The following GAL3ST4 variants were observed in gnomAD, a reference collection of about 807,000 sequenced individuals.
The protein encoded by GAL3ST4 is beta-galactose-3-O-sulfotransferase 4.
In GAL3ST4, 30 loss-of-function variants were observed where a neutral mutation model predicts 31.6. That is an observed-to-expected ratio of 0.95 (90% CI 0.71 to 1.29). GAL3ST4 has a LOEUF of 1.29. GAL3ST4 is among the 50% of genes most tolerant of loss of function. GAL3ST4 has a pLI of 0.00. For missense variants in GAL3ST4, 629 were observed against 625.2 expected, an observed-to-expected ratio of 1.01 and a Z score of -0.06; for synonymous variants, 248 against 256.9, an observed-to-expected ratio of 0.97 and a Z score of 0.33.
In GAL3ST4 at chr7:100,166,757, T is replaced by C; in HGVS notation, c.174A>G (p.Pro58=). Residue 58 remains proline (P), a synonymous_variant, in exon 3 of 4, where the codon CCA becomes CCG. Transcript: ENST00000360039. The part of the protein sequence containing the change: ...LRQPSAPSLR[P]ALPSCPPRQR... Reference sequence around the variant, plus strand: ...GCCGGGGTGGGCAGGACGGAAGGGCTGGTCGTAGGGATGGGGCCGAGGGCT... The same window carrying C: ...GCCGGGGTGGGCAGGACGGAAGGGCCGGTCGTAGGGATGGGGCCGAGGGCT... 1 of 1,613,328 alleles carries C rather than the reference T, an allele frequency of 6.2e-7. No individual in the cohort carries two copies. Among genetic ancestry groups the C allele is most frequent in the Non-Finnish European group, 8.5e-7 (1 of 1,179,704 alleles).
Position 100,160,355 on chromosome 7 carries a change from T to TC in GAL3ST4, c.1033_1034insG (p.Asn345ArgfsTer68). ...CCGGTCCTCCGCAGTCAGTCCACTG[T>TC]TGCTGACAGTGCTGAGGCCCTGCTT... On this transcript the variant is annotated frameshift_variant, in exon 4 of 4. Transcript: ENST00000360039. LOFTEE classifies it high-confidence loss of function. 1 of 1,614,112 alleles carries TC rather than the reference T, an allele frequency of 6.2e-7. No individual in the cohort carries two copies.
chr7:100,161,019 A>T (rs946606835), intron 3 of GAL3ST4, 60 bp from the exon 4 acceptor site: 40 of 1,423,582 alleles, frequency 2.8e-5, no homozygotes, highest in Non-Finnish European at 3.7e-5. Flanking sequence ...ATGCATAAGT[A>T]TGCACAAGCC....
intron 3 of GAL3ST4, among the ~76,000 whole-genome samples, chr7:100,162,736 ATGACAGGT>A (rs1799021010): frequency 6.6e-6 from 1 of 151,250 alleles, no homozygotes; most frequent in African/African-American, 2.4e-5. Context: ...TAAAACCTAG[ATGACAGGT>A]TGACAGGTGC....
Position 100,160,008 on chromosome 7 carries a change from A to G in GAL3ST4, c.1381T>C (p.Tyr461His). Residue 461 changes from tyrosine to histidine, a missense_variant, in exon 4 of 4, where the codon TAC becomes CAC. Transcript: ENST00000360039. ...CERLATPELQ[Y>H]KDKLDAKQFP... ...TGCTTGGCATCCAGCTTGTCCTTGT[A>G]CTGGAGCTCAGGGGTAGCTAGGCGC... 2 of 1,613,948 alleles carry G rather than the reference A, an allele frequency of 1.2e-6. No individual in the cohort carries two copies. The highest frequency in any genetic ancestry group is 1.7e-4 in the Middle Eastern group (1 of 6,058).
rs771067362 is a variant in GAL3ST4 at position 100,160,856 on chromosome 7, G to GTGA, written c.532_533insTCA (p.Ala178delinsValThr). ...AGCCAAAGATGGTGACTTGCGGAAG[G>GTGA]CTGATGAGGTGGATTTATAGTAGGA... On this transcript the variant is annotated protein_altering_variant, in exon 4 of 4. Coordinates refer to ENST00000360039, the MANE Select transcript of GAL3ST4 (RefSeq NM_024637.5). 1.2e-6 allele frequency: 2 copies of GTGA among 1,614,232 alleles called. No homozygotes were observed. The highest frequency in any genetic ancestry group is 1.7e-6 in the Non-Finnish European group (2 of 1,180,040).
Position 100,159,780 on chromosome 7 carries a change from T to C in GAL3ST4, c.*148A>G. The C allele has an allele frequency of 4.5e-6, 3 of 668,760 alleles. No individual in the cohort carries two copies. Among genetic ancestry groups the C allele is most frequent in the Non-Finnish European group, 7.5e-6 (3 of 401,778 alleles). The allele number at this position is 668,760 out of a possible 1,614,324, so 41.4% of individuals were successfully genotyped here. On this transcript the variant is annotated 3_prime_UTR_variant, in exon 4 of 4. Coordinates refer to ENST00000360039, the MANE Select transcript of GAL3ST4 (RefSeq NM_024637.5). The stretch of plus-strand genomic sequence containing the variant: ...AGTGGAGGGTGGAGGAGGGAAGCAC[T>C]GCTGGGAGCCCAGCGAAGAGGGGGC...
At chr7:100,166,924 G>A (rs1235044140) in intron 2 of GAL3ST4, 47 bp downstream of exon 2, 4 of 1,580,142 alleles carry the variant, frequency 2.5e-6, no homozygotes, top group Non-Finnish European at 2.6e-6. Flanking sequence ...ATGGGGAAGA[G>A]CAAGTACGGG....
In GAL3ST4 at chr7:100,160,060, C is replaced by T. The variant is rs761817361; in HGVS notation, c.1329G>A (p.Leu443=). 6.2e-7 allele frequency: 1 copy of T among 1,613,946 alleles called. No individual in the cohort carries two copies. The highest frequency in any genetic ancestry group is 8.5e-7 in the Non-Finnish European group (1 of 1,179,986). Residue 443 remains leucine (L), a synonymous_variant, in exon 4 of 4, where the codon TTG becomes TTA. Transcript: ENST00000360039. The stretch of plus-strand genomic sequence containing the variant: ...CACATTCCTCTTGGTCTTGGGGGCT[C>T]AATCCACTCCGAAGTATATAGCCCA... ...KVLGYILRSG[L]SPQDQEECER... is the part of the protein sequence containing the mutation.
In GAL3ST4 at chr7:100,160,107, G is replaced by A; in HGVS notation, c.1282C>T (p.Gln428Ter). The change falls in exon 4 of 4, where the codon CAG (glutamine) becomes TAG (stop). Residue 428 changes from glutamine (Q) to a stop codon, truncating the protein, a stop_gained. Transcript: ENST00000360039. LOFTEE classifies it high-confidence loss of function. ...CCCAAAACCTTAGCTGACCCAAACTGGAAGGGGCGGAACCGGCGATCAGTG... is the reference window on the plus strand; with the variant it reads ...CCCAAAACCTTAGCTGACCCAAACTAGAAGGGGCGGAACCGGCGATCAGTG... The part of the protein sequence containing the change: ...YITDRRFRPF[Q>*]FGSAKVLGYI... 1 of 1,614,100 alleles carries A rather than the reference G, an allele frequency of 6.2e-7. No homozygotes were observed. Among genetic ancestry groups the A allele is most frequent in the Non-Finnish European group, 8.5e-7 (1 of 1,179,996 alleles).
chr7:100,160,575 G>C lies in GAL3ST4; in HGVS notation c.814C>G (p.Gln272Glu). The C allele has an allele frequency of 6.2e-7, 1 of 1,613,820 alleles. No individual in the cohort carries two copies. The highest frequency in any genetic ancestry group is 8.5e-7 in the Non-Finnish European group (1 of 1,180,052). The change falls in exon 4 of 4, where the codon CAG becomes GAG. Residue 272 changes from glutamine (Q) to glutamate (E), a missense_variant. Physicochemically the swap from Gln to Glu is conservative, Grantham distance 29 (BLOSUM62 2). Transcript: ENST00000360039. ...TCGAAAGAGGCAGGGCTTGATATCTGGCTGCGATGATCAGTAACAGTGGAA... is the reference window on the plus strand; with the variant it reads ...TCGAAAGAGGCAGGGCTTGATATCTCGCTGCGATGATCAGTAACAGTGGAA... ...PVSTVTDHRS[Q>E]ISSPASFDLG... is the part of the protein sequence containing the mutation.
chr7:100,167,361 G>T, intron 1 of GAL3ST4, 78 bp from the exon 2 acceptor site: 1 of 711,658 alleles, frequency 1.4e-6, no homozygotes, highest in Non-Finnish European at 2.2e-6. Context: ...CTGCAGCTGA[G>T]ACCTCCTTCA....
chr7:100,166,695 C>T lies in GAL3ST4; in HGVS notation c.236G>A (p.Ser79Asn). The T allele has an allele frequency of 1.2e-6, 2 of 1,614,186 alleles. No individual in the cohort carries two copies. Among genetic ancestry groups the T allele is most frequent in the Non-Finnish European group, 1.7e-6 (2 of 1,180,026 alleles). ...GTGAAGCAGGCTCAGCACAGAGCTG[C>T]TCCCGGATTTATGTGTCTTCAGGAA... ...LVFLKTHKSG[S>N]SSVLSLLHRY... is the part of the protein sequence containing the mutation. Residue 79 changes from serine to asparagine, a missense_variant, in exon 3 of 4, where the codon AGC (serine) becomes AAC (asparagine). Ser to Asn is a conservative substitution (Grantham distance 46, BLOSUM62 1). Transcript: ENST00000360039.
At chr7:100,163,625 C>A (rs1039563327) in intron 3 of GAL3ST4, among the ~76,000 whole-genome samples, 5 of 152,166 alleles carry the variant, frequency 3.3e-5, no homozygotes, top group African/African-American at 1.2e-4. Context: ...CTTGAAAACT[C>A]CTGGGCTCAA....
chr7:100,160,335 CCT>C lies in GAL3ST4; in HGVS notation c.1052_1053del (p.Glu351GlyfsTer61). On this transcript the variant is annotated frameshift_variant, in exon 4 of 4. Coordinates refer to ENST00000360039, the MANE Select transcript of GAL3ST4 (RefSeq NM_024637.5). LOFTEE classifies it high-confidence loss of function. ...CGGGCCCGTGCAGTCAGCTGCCGGT[CCT>C]CCGCAGTCAGTCCACTGTTGCTGAC... ...STVSNSGLTA[E>X]DRQLTARARA... The C allele has an allele frequency of 6.2e-7, 1 of 1,613,952 alleles. No homozygotes were observed. Among genetic ancestry groups the C allele is most frequent in the African/African-American group, 1.3e-5 (1 of 75,048 alleles).
chr7:100,160,877 TAGG>T lies in GAL3ST4; in HGVS notation c.509_511del (p.Ser170del), dbSNP rs1562954538. 17 of 1,613,830 alleles carry T rather than the reference TAGG, an allele frequency of 1.1e-5. No individual in the cohort carries two copies. Among genetic ancestry groups the T allele is most frequent in the Non-Finnish European group, 1.4e-5 (16 of 1,179,970 alleles). On this transcript the variant is annotated inframe_deletion, in exon 4 of 4. Transcript: ENST00000360039. ...GAAGGCTGATGAGGTGGATTTATAG[TAGG>T]AGAAGGCAGAGCGAGCCAGAGCCGC...
In GAL3ST4 at chr7:100,160,252, T is replaced by A; in HGVS notation, c.1137A>T (p.Ala379=). 1.9e-6 allele frequency: 3 copies of A among 1,614,066 alleles called. No homozygotes were observed. The highest frequency in any genetic ancestry group is 2.5e-6 in the Non-Finnish European group (3 of 1,180,016). Residue 379 remains alanine (A), a synonymous_variant, in exon 4 of 4, where the codon GCA becomes GCT. Transcript: ENST00000360039. ...LYVHFNRSLW[A]RIEKYGQGRL... Reference sequence around the variant, plus strand: ...GGCCCTGGCCGTATTTCTCTATCCGTGCCCAGAGACTGCGGTTGAAGTGGA... The same window carrying A: ...GGCCCTGGCCGTATTTCTCTATCCGAGCCCAGAGACTGCGGTTGAAGTGGA...
rs57521505 is a variant in GAL3ST4 at position 100,168,005 on chromosome 7, G to GACACACACACACACACACACACACAC, written c.-189+515_-189+540dup. Reference sequence around the variant, plus strand: ...GGAGAGGGAGACAGAAAGAGAGAGAGACACACACACACACACACACACACA... The same window carrying GACACACACACACACACACACACACAC: ...GGAGAGGGAGACAGAAAGAGAGAGAGACACACACACACACACACACACACACACACACACACACACACACACACACA... On this transcript the variant is annotated intron_variant, in intron 1 of 3. Coordinates refer to ENST00000360039, the MANE Select transcript of GAL3ST4 (RefSeq NM_024637.5). The surrounding 1 kb of genome is among the most constrained non-coding windows in gnomAD (Gnocchi z 4.1). 1.4e-5 allele frequency: 2 copies of GACACACACACACACACACACACACAC among 145,612 alleles called. No homozygotes were observed. Among genetic ancestry groups the GACACACACACACACACACACACACAC allele is most frequent in the African/African-American group, 5.2e-5 (2 of 38,536 alleles). The allele number at this position is 145,612 out of a possible 1,614,324, so 9.0% of individuals were successfully genotyped here.
At chr7:100,163,175 G>A (rs1048272496) in intron 3 of GAL3ST4, among the ~76,000 whole-genome samples, 1 of 152,136 alleles carries the variant, frequency 6.6e-6, no homozygotes, top group Non-Finnish European at 1.5e-5. Context: ...GGGCATCCTA[G>A]AGGGCAAAAA....
Position 100,160,688 on chromosome 7 carries a change from T to A in GAL3ST4, c.701A>T (p.Asp234Val). The A allele has an allele frequency of 1.2e-6, 2 of 1,612,642 alleles. No homozygotes were observed. Among genetic ancestry groups the A allele is most frequent in the Non-Finnish European group, 1.7e-6 (2 of 1,179,144 alleles). The change falls in exon 4 of 4, where the codon GAC becomes GTC. Residue 234 changes from aspartate to valine, a missense_variant. Asp to Val is a radical substitution (Grantham distance 152). Transcript: ENST00000360039. Reference sequence around the variant, plus strand: ...GACCTGCAGCTGTGGGGGGTTGGGGTCTCTGGGGGGATGAATATTCCCTCT... The same window carrying A: ...GACCTGCAGCTGTGGGGGGTTGGGGACTCTGGGGGGATGAATATTCCCTCT... The part of the protein sequence containing the change: ...AKRGNIHPPR[D>V]PNPPQLQVLP...
Sources: gnomAD v4.1 joint callset for allele counts (sites outside exome capture counted in the v4.1 genomes callset) on GRCh38, gnomAD v4.1.1 for gene constraint, Gnocchi (gnomAD v3.1) non-coding constraint, MANE v1.5 for transcripts, NCBI Gene and HGNC (gene_info 2026-07-23, HGNC 2026-07-21) for gene names.